The following CSF1R variants were observed in gnomAD, a reference collection of about 807,000 sequenced individuals.
CSF1R encodes macrophage colony-stimulating factor 1 receptor.
In CSF1R, 40 loss-of-function variants were observed where a neutral mutation model predicts 110.0. The observed-to-expected ratio is 0.36, with a 90% CI of 0.28 to 0.47. The LOEUF is 0.47. Ranked by LOEUF, CSF1R falls within the 20% of genes least tolerant of loss-of-function variation. CSF1R has a pLI of 0.99. For missense variants in CSF1R, 1,052 were observed against 1,253.0 expected (o/e 0.84, Z 2.42); for synonymous variants, 523 against 503.4 (o/e 1.04, Z -0.52).
At chr5:150,103,443 G>A (rs904055584) in intron 1 of CSF1R, among the ~76,000 whole-genome samples, 1 of 152,218 alleles carries the variant, frequency 6.6e-6, no homozygotes, top group Non-Finnish European at 1.5e-5. Context: ...TCTCCAGGGT[G>A]AGCACTCTGG....
rs1757958601 is a variant in CSF1R, at chr5:150,069,917, T to C, written c.1466A>G (p.Asn489Ser). The change falls in exon 9 of 21, where the codon AAC (asparagine) becomes AGC (serine). Residue 489 changes from asparagine (N) to serine (S), a missense_variant. Physicochemically the swap from Asn to Ser is conservative, Grantham distance 46. Transcript: ENST00000675795. ...GGCCCAGGAGCCACTCCCCACGCTG[T>C]TGTGGGCCCTGCACTCGTAGGTTTG... ...HNQTYECRAH[N>S]SVGSGSWAFI... The C allele has an allele frequency of 6.2e-7, 1 of 1,613,842 alleles. No homozygotes were observed. Among genetic ancestry groups the C allele is most frequent in the Non-Finnish European group, 8.5e-7 (1 of 1,179,872 alleles).
At chr5:150,061,390 A>G (rs2113791381) in intron 12 of CSF1R, 101 bp downstream of exon 12, 2 of 1,055,890 alleles carry the variant, frequency 1.9e-6, no homozygotes, top group Non-Finnish European at 2.7e-6. Context: ...CCAGGCTTCA[A>G]CAGGTTGAAA....
chr5:150,064,366 G>C (rs535430353), intron 10 of CSF1R, among the ~76,000 whole-genome samples: 17 of 152,356 alleles, frequency 1.1e-4, no homozygotes, highest in African/African-American at 4.1e-4. Flanking sequence ...AGAACTTCTA[G>C]CTGGTAGTTA....
intron 10 of CSF1R, among the ~76,000 whole-genome samples, chr5:150,065,742 G>A (rs1290389791): frequency 6.6e-6 from 1 of 152,212 alleles, no homozygotes; most frequent in Non-Finnish European, 1.5e-5. Context: ...GAGGGTAGCT[G>A]CAAGTCTTCT....
intron 9 of CSF1R, 70 bp downstream of exon 9, chr5:150,069,803 G>A (rs1477177906): frequency 1.2e-4 from 156 of 1,265,528 alleles, no homozygotes; most frequent in Non-Finnish European, 1.5e-4. Context: ...GGGTGGGGGA[G>A]GAGCCGCCTA....
chr5:150,064,481 G>T lies in CSF1R; in HGVS notation c.1627-2632C>A, dbSNP rs558471315. Among the ~76,000 whole-genome samples the T allele has an allele frequency of 3.9e-5, 6 of 152,288 alleles. No individual in the cohort carries two copies. The East Asian group carries it at 1.2e-3, about 29-fold the overall frequency. ...TCAGAGCCTCTGCGTTATAGCTTGG[G>T]AGAGAGTCTGAAACGGGACCCAGGG... On this transcript the variant is annotated intron_variant, in intron 10 of 20. Coordinates refer to ENST00000675795, the MANE Select transcript of CSF1R (RefSeq NM_001288705.3).
At chr5:150,074,761 C>T (rs1437468543) in intron 5 of CSF1R, among the ~76,000 whole-genome samples, 2 of 152,144 alleles carry the variant, frequency 1.3e-5, no homozygotes, top group African/African-American at 4.8e-5. Context: ...CCCATTGCCT[C>T]CATTATTCAG....
At position 150,107,348 on chromosome 5, in the gene CSF1R, C is replaced by T. The variant is rs529994324; in HGVS notation, c.-181+5913G>A. ...CATGATTTGTCATCCAATTTGGAAC[C>T]TTTGAGACTGGAAGGGGTGCTATTA... On this transcript the variant is annotated intron_variant, in intron 1 of 21. Coordinates refer to the CSF1R transcript ENST00000286301. Among the ~76,000 whole-genome samples, 20 of 152,312 alleles carry T rather than the reference C, an allele frequency of 1.3e-4. 1 individual carries two copies. The highest frequency in any genetic ancestry group is 4.8e-4 in the African/African-American group (20 of 41,570).
At chr5:150,071,558 C>G (rs563627931) in intron 6 of CSF1R, among the ~76,000 whole-genome samples, 1 of 152,320 alleles carries the variant, frequency 6.6e-6, no homozygotes, top group African/African-American at 2.4e-5. Flanking sequence ...ACCCCTTTAA[C>G]TAAAAATAAT....
intron 1 of CSF1R, among the ~76,000 whole-genome samples, chr5:150,103,327 C>T (rs1759458703): frequency 6.6e-6 from 1 of 152,242 alleles, no homozygotes. Flanking sequence ...ATCTGCCTCT[C>T]TGTGACACCC....
At chr5:150,097,074 C>T (rs1759247746) in intron 1 of CSF1R, among the ~76,000 whole-genome samples, 1 of 152,120 alleles carries the variant, frequency 6.6e-6, no homozygotes, top group South Asian at 2.1e-4. Context: ...CCAGCCTGGG[C>T]AACATAGGCA....
Position 150,086,471 on chromosome 5 carries a change from G to T in CSF1R, c.-44C>A. Reference sequence around the variant, plus strand: ...GCAGGCAGGTGCAGGGCTGCAAGGTGCCCAGGGCACAGAGCTCTCAGCTAC... The same window carrying T: ...GCAGGCAGGTGCAGGGCTGCAAGGTTCCCAGGGCACAGAGCTCTCAGCTAC... On this transcript the variant is annotated 5_prime_UTR_variant, in exon 1 of 21. Transcript: ENST00000675795. The T allele has an allele frequency of 6.3e-7, 1 of 1,585,934 alleles. No homozygotes were observed. Among genetic ancestry groups the T allele is most frequent in the Non-Finnish European group, 8.6e-7 (1 of 1,163,794 alleles).
At position 150,112,487 on chromosome 5, in the gene CSF1R, T is replaced by C. The variant is rs200982914; in HGVS notation, c.-181+774A>G. On this transcript the variant is annotated intron_variant, in intron 1 of 21. Transcript: ENST00000286301. ...CCTGATGTGGTGTAATCCACTCAAGTTCCCATAAGGAGCAGGCCTGAGACA... is the reference window on the plus strand; with the variant it reads ...CCTGATGTGGTGTAATCCACTCAAGCTCCCATAAGGAGCAGGCCTGAGACA... Among the ~76,000 whole-genome samples, 3 of 152,236 alleles carry C rather than the reference T, an allele frequency of 2.0e-5. No homozygotes were observed. In the East Asian group the frequency reaches 5.8e-4, roughly 29 times the overall value.
At chr5:150,074,052 A>G (rs952469376) in intron 5 of CSF1R, among the ~76,000 whole-genome samples, 2 of 152,144 alleles carry the variant, frequency 1.3e-5, no homozygotes, top group Non-Finnish European at 2.9e-5. Context: ...GGGAAAAGAG[A>G]AGCCCTCATT....
chr5:150,086,542 G>C lies in CSF1R; in HGVS notation c.-115C>G. 1 of 956,380 alleles carries C rather than the reference G, an allele frequency of 1.0e-6. No individual in the cohort carries two copies. Among genetic ancestry groups the C allele is most frequent in the Non-Finnish European group, 1.6e-6 (1 of 619,748 alleles). The allele number at this position is 956,380 out of a possible 1,614,324, so 59.2% of individuals were successfully genotyped here. On this transcript the variant is annotated 5_prime_UTR_variant, in exon 1 of 21. Transcript: ENST00000675795. ...CACTGGACACACGTTCCTCTCCTCT[G>C]CACTGGCTGTTTGTCTTGTTTTCCT...
intron 14 of CSF1R, among the ~76,000 whole-genome samples, chr5:150,059,481 C>G (rs2027798): frequency 6.6e-6 from 1 of 152,024 alleles, no homozygotes; most frequent in African/African-American, 2.4e-5. Flanking sequence ...TCCCAGAACA[C>G]GGTAGGTGTT....
chr5:150,056,462 G>C, intron 16 of CSF1R, 121 bp from the exon 17 acceptor site: 1 of 1,284,194 alleles, frequency 7.8e-7, no homozygotes, highest in Non-Finnish European at 1.1e-6. Flanking sequence ...CAACAGTTTT[G>C]GTCCTTTACC....
At chr5:150,055,135 G>A in intron 19 of CSF1R, 102 bp downstream of exon 19, 2 of 1,034,844 alleles carry the variant, frequency 1.9e-6, no homozygotes, top group Non-Finnish European at 3.0e-6. Context: ...GTCTGACCCT[G>A]GAACATTTTG....
intron 14 of CSF1R, chr5:150,058,036 A>T: frequency 2.7e-6 from 1 of 363,672 alleles, no homozygotes; most frequent in Non-Finnish European, 5.4e-6. Context: ...GATCAGGCTA[A>T]TTACTAATAC....
Sources: allele counts gnomAD v4.1 joint callset (sites outside exome capture counted in the v4.1 genomes callset), GRCh38; gene constraint gnomAD v4.1.1; transcripts MANE v1.5; gene names NCBI Gene and HGNC (gene_info 2026-07-23, HGNC 2026-07-21).